The following CEP41 variants were observed in gnomAD, a reference collection of about 807,000 sequenced individuals.
The protein encoded by CEP41 is centrosomal protein 41, also known as centrosomal protein of 41 kDa.
Under a neutral mutation model 44.3 loss-of-function variants are expected in CEP41, and 32 were observed. The observed-to-expected ratio is 0.72, with a 90% CI of 0.54 to 0.97. The LOEUF is 0.97. CEP41 is among the 50% of genes least tolerant of loss of function. CEP41 has a pLI of 0.00. For missense variants in CEP41, 432 were observed against 455.2 expected (o/e 0.95, Z 0.46); for synonymous variants, 151 against 168.5 (o/e 0.90, Z 0.80).
At chr7:130,430,898 T>C (rs1378247619) in intron 1 of CEP41, among the ~76,000 whole-genome samples, 4 of 152,114 alleles carry the variant, frequency 2.6e-5, no homozygotes, top group Non-Finnish European at 5.9e-5. Context: ...TAAGCCAAAA[T>C]AGCTAAGAAG....
chr7:130,398,064 T>G lies in CEP41; in HGVS notation c.*827A>C. ...TTCTGTCCATCTAACATGGATGGAC[T>G]GAAGCTGGGCAATGGGCGTCATAAC... On this transcript the variant is annotated 3_prime_UTR_variant, in exon 11 of 11. Transcript: ENST00000223208. The G allele has an allele frequency of 2.2e-6, 1 of 454,144 alleles. No homozygotes were observed. The highest frequency in any genetic ancestry group is 6.9e-4 in the Middle Eastern group (1 of 1,444). 28.1% of individuals were successfully genotyped at this position (454,144 alleles called of 1,614,324 possible). A position where few individuals can be genotyped will look rare whatever the true frequency, so the allele number is the denominator to read the frequency against.
rs374462222 is a variant in CEP41 at position 130,400,854 on chromosome 7, C to T, written c.643-33G>A. On this transcript the variant is annotated intron_variant, in intron 8 of 10. Coordinates refer to ENST00000223208, the MANE Select transcript of CEP41 (RefSeq NM_018718.3). ...TCAGATGAGTTAAGGTTCCAAGGCACTGGGCTGATGTCCCAAGACTACGAG... is the reference window on the plus strand; with the variant it reads ...TCAGATGAGTTAAGGTTCCAAGGCATTGGGCTGATGTCCCAAGACTACGAG... 44 of 1,375,692 alleles carry T rather than the reference C, an allele frequency of 3.2e-5. No individual in the cohort carries two copies. The African/African-American group carries it at 5.3e-4, about 16-fold the overall frequency. 85.2% of individuals were successfully genotyped at this position (1,375,692 alleles called of 1,614,324 possible). A position where few individuals can be genotyped will look rare whatever the true frequency, so the allele number is the denominator to read the frequency against.
intron 1 of CEP41, among the ~76,000 whole-genome samples, chr7:130,439,937 A>G (rs1274814120): frequency 6.6e-6 from 1 of 151,910 alleles, no homozygotes; most frequent in Non-Finnish European, 1.5e-5. Context: ...AGTACTACCT[A>G]TTTTCTCGTA....
chr7:130,440,170 A>C (rs1158582453), intron 1 of CEP41, among the ~76,000 whole-genome samples: 1 of 151,914 alleles, frequency 6.6e-6, no homozygotes, highest in Admixed American at 6.6e-5. Context: ...CAGGCGCCTC[A>C]CCACCACGCC....
At chr7:130,438,303 A>T (rs1313858456) in intron 1 of CEP41, among the ~76,000 whole-genome samples, 1 of 152,196 alleles carries the variant, frequency 6.6e-6, no homozygotes, top group Non-Finnish European at 1.5e-5. Context: ...CATGCCTGTA[A>T]TACCAGCACT....
At chr7:130,441,169 AGGGCAACGCGG>A, upstream of CEP41, 1 of 695,238 alleles carries the variant, frequency 1.4e-6, no homozygotes, top group South Asian at 1.5e-5. Flanking sequence ...ATGGTTGCCA[AGGGCAACGCGG>A]GACGCCGGCT....
chr7:130,438,433 G>A (rs561327451), intron 1 of CEP41, among the ~76,000 whole-genome samples: 3 of 152,178 alleles, frequency 2.0e-5, no homozygotes, highest in East Asian at 3.9e-4. Flanking sequence ...GTTGGTGTGC[G>A]CCATAGTCTC....
chr7:130,427,687 G>C (rs1161135887), intron 2 of CEP41, among the ~76,000 whole-genome samples: 1 of 152,140 alleles, frequency 6.6e-6, no homozygotes, highest in African/African-American at 2.4e-5. Flanking sequence ...GAAACTTACT[G>C]AACAATGGTT....
chr7:130,417,005 G>A (rs782666782), intron 2 of CEP41, 39 bp from the exon 3 acceptor site: 1 of 1,443,538 alleles, frequency 6.9e-7, no homozygotes, highest in South Asian at 1.1e-5. Context: ...TACTTTAAAT[G>A]GAAGCAAATG....
rs1554413506 is a variant in CEP41, at chr7:130,394,113, C to T, written c.*4778G>A. 2.2e-6 allele frequency: 1 copy of T among 454,096 alleles called. No individual in the cohort carries two copies. Among genetic ancestry groups the T allele is most frequent in the Admixed American group, 2.3e-5 (1 of 42,576 alleles). 28.1% of individuals were successfully genotyped at this position (454,096 alleles called of 1,614,324 possible). A position where few individuals can be genotyped will look rare whatever the true frequency, so the allele number is the denominator to read the frequency against. ...GAAGCCAATAGCGAAGGGAAAGGTA[C>T]ATTTTCACGGTAAGTTAGAGGCATC... On this transcript the variant is annotated 3_prime_UTR_variant, in exon 11 of 11. Transcript: ENST00000223208.
rs782242713 is a variant in CEP41 at position 130,397,101 on chromosome 7, G to A, written c.*1790C>T. On this transcript the variant is annotated 3_prime_UTR_variant, in exon 11 of 11. Transcript: ENST00000223208. The stretch of plus-strand genomic sequence containing the variant: ...CTTGTCCATGCTAGGGGAAAGCTGA[G>A]TGTGGAAAAATGTGCATTTTTCTAT... 1.5e-5 allele frequency: 7 copies of A among 454,514 alleles called. 1 individual carries two copies. The highest frequency in any genetic ancestry group is 6.9e-4 in the Middle Eastern group (1 of 1,444). The allele number at this position is 454,514 out of a possible 1,614,324, so 28.2% of individuals were successfully genotyped here. A position where few individuals can be genotyped will look rare whatever the true frequency, so the allele number is the denominator to read the frequency against.
rs781815473 is a variant in CEP41 at position 130,402,801 on chromosome 7, T to G, written c.423-2A>C. The G allele has an allele frequency of 3.7e-6, 6 of 1,613,980 alleles. No individual in the cohort carries two copies. Among genetic ancestry groups the G allele is most frequent in the Admixed American group, 1.7e-5 (1 of 60,004 alleles). On this transcript the variant is annotated splice_acceptor_variant, in intron 6 of 10. Coordinates refer to ENST00000223208, the MANE Select transcript of CEP41 (RefSeq NM_018718.3). LOFTEE classifies it high-confidence loss of function. ...AGTTCCCCAACACCACTGATGACAC[T>G]GCAAGTGAAAAAGTAGGTCAGCAGA...
At chr7:130,408,340 T>C (rs1415122404) in intron 5 of CEP41, among the ~76,000 whole-genome samples, 2 of 152,188 alleles carry the variant, frequency 1.3e-5, no homozygotes, top group African/African-American at 2.4e-5. Flanking sequence ...CAAGTTAATA[T>C]TGTTCTCCGT....
chr7:130,404,509 G>T, intron 6 of CEP41, 55 bp downstream of exon 6: 1 of 1,467,068 alleles, frequency 6.8e-7, no homozygotes, highest in Non-Finnish European at 9.6e-7. Context: ...TGAAATTGGC[G>T]TCTAGATTAA....
intron 2 of CEP41, chr7:130,420,374 C>A (rs1303995384): frequency 6.7e-6 from 1 of 150,054 alleles, no homozygotes; most frequent in Non-Finnish European, 1.5e-5. Context: ...ATAGCTCACA[C>A]CTGTAATCCC....
chr7:130,399,906 C>A (rs916454155), intron 10 of CEP41, 133 bp downstream of exon 10: 1 of 763,268 alleles, frequency 1.3e-6, no homozygotes, highest in Admixed American at 1.8e-5. Context: ...CCACTGCCTC[C>A]CCTCCCCAGC....
At position 130,413,814 on chromosome 7, in the gene CEP41, A is replaced by G. The variant is rs151262751; in HGVS notation, c.146-1574T>C. On this transcript the variant is annotated intron_variant, in intron 3 of 10. Transcript: ENST00000223208. ...TTTGAAGATGACAGTCAAATTCTGA[A>G]TGGTTTTCAGTGTTGAACTCTGCCC... 7.4e-4 allele frequency among the ~76,000 whole-genome samples: 112 copies of G among 152,292 alleles called. 1 individual carries two copies. In the East Asian group the frequency reaches 0.021, roughly 29 times the overall value.
chr7:130,399,352 G>A (rs1796772322), intron 10 of CEP41: 1 of 394,742 alleles, frequency 2.5e-6, no homozygotes, highest in African/African-American at 2.0e-5. Context: ...AGTGATTTGG[G>A]GAAAGAAAAG....
At chr7:130,430,655 AC>A (rs1165975897) in intron 1 of CEP41, among the ~76,000 whole-genome samples, 2 of 152,244 alleles carry the variant, frequency 1.3e-5, no homozygotes, top group Non-Finnish European at 2.9e-5. Context: ...AAACAAACAA[AC>A]AAAAAACAGG....
Sources: gnomAD v4.1 joint callset for allele counts (sites outside exome capture counted in the v4.1 genomes callset) on GRCh38, gnomAD v4.1.1 for gene constraint, MANE v1.5 for transcripts, NCBI Gene and HGNC (gene_info 2026-07-23, HGNC 2026-07-21) for gene names.